NRXN3: variants seen among roughly 807,000 people sequenced by gnomAD.
The protein encoded by NRXN3 is neurexin III.
NRXN3 carries 32 observed loss-of-function variants against 137.6 expected under a neutral mutation model. The ratio of observed to expected loss-of-function variants is 0.23; its 90% CI spans 0.18 to 0.31. The LOEUF is 0.31. Among genes scored for constraint, NRXN3 ranks in the 10% least tolerant of loss-of-function variants. The pLI is 1.00. For synonymous variants in NRXN3, 798 were observed against 784.5 expected (o/e 1.02, Z -0.29); for missense variants, 1,574 against 2,062.5 (o/e 0.76, Z 4.59).
intron 4 of NRXN3, among the ~76,000 whole-genome samples, chr14:78,357,979 T>C (rs2084574585): frequency 6.6e-6 from 1 of 152,152 alleles, no homozygotes; most frequent in South Asian, 2.1e-4. Context: ...ATATATCCCA[T>C]AGAAAGGCTG....
At chr14:78,803,857 G>T (rs747300236) in intron 9 of NRXN3, 34 bp downstream of exon 9, 1 of 1,577,032 alleles carries the variant, frequency 6.3e-7, no homozygotes, top group Non-Finnish European at 8.7e-7. Context: ...CACTTCGTTT[G>T]GGCTTGTCTT....
At chr14:78,247,921 G>T (rs2153457916) in intron 2 of NRXN3, among the ~76,000 whole-genome samples, 1 of 152,342 alleles carries the variant, frequency 6.6e-6, no homozygotes, top group East Asian at 1.9e-4. Flanking sequence ...TGTCTCTGAA[G>T]AGTTCATTTA....
chr14:79,827,047 TTGA>T (rs2099305602), intron 20 of NRXN3, among the ~76,000 whole-genome samples: 1 of 152,150 alleles, frequency 6.6e-6, no homozygotes, highest in African/African-American at 2.4e-5. Context: ...TAGCTGCAGA[TTGA>T]GCATTTACTG....
At chr14:79,590,814 C>T (rs957793254) in intron 16 of NRXN3, among the ~76,000 whole-genome samples, 6 of 152,154 alleles carry the variant, frequency 3.9e-5, no homozygotes, top group African/African-American at 9.7e-5. Context: ...TATGGAGTAT[C>T]ACCTGGGCTA....
rs369553358 is a variant in NRXN3, at chr14:79,126,918, T to G, written c.3262+138777T>G. 1.1e-4 allele frequency among the ~76,000 whole-genome samples: 17 copies of G among 152,312 alleles called. No homozygotes were observed. In the East Asian group the frequency reaches 2.3e-3, roughly 21 times the overall value. On this transcript the variant is annotated intron_variant, in intron 15 of 20. Transcript: ENST00000335750. ...TGTGGTTTTGATTTGCATTTCTCTG[T>G]TGGCCAGTGATGGTGAGCATTTTTT...
At chr14:79,805,267 A>G (rs2099199735) in intron 20 of NRXN3, 77 bp downstream of exon 20, 1 of 1,019,844 alleles carries the variant, frequency 9.8e-7, no homozygotes. Context: ...ATGTGATTAT[A>G]CATGTGTTTT....
At chr14:78,790,121 A>G (rs1246195272) in intron 8 of NRXN3, among the ~76,000 whole-genome samples, 1 of 152,160 alleles carries the variant, frequency 6.6e-6, no homozygotes, top group African/African-American at 2.4e-5. Flanking sequence ...GTCATATTTT[A>G]AAATTCAGTG....
intron 2 of NRXN3, among the ~76,000 whole-genome samples, chr14:78,276,206 GC>G (rs1358275584): frequency 1.3e-5 from 2 of 152,156 alleles, no homozygotes; most frequent in African/African-American, 4.8e-5. Context: ...CTAGAACTAT[GC>G]CAAATTGAGA....
intron 4 of NRXN3, among the ~76,000 whole-genome samples, chr14:78,628,566 G>C (rs566741563): frequency 5.3e-5 from 8 of 152,194 alleles, no homozygotes; most frequent in Non-Finnish European, 7.4e-5. Context: ...GTAACTTAAA[G>C]CCTTCAAGTA....
chr14:79,236,087 C>T (rs369607043), intron 15 of NRXN3, among the ~76,000 whole-genome samples: 2 of 152,106 alleles, frequency 1.3e-5, no homozygotes, highest in Admixed American at 1.3e-4. Flanking sequence ...AATAATTACA[C>T]TTTATTGATA....
chr14:79,721,276 T>C (rs1401559948), intron 19 of NRXN3, among the ~76,000 whole-genome samples: 3 of 152,142 alleles, frequency 2.0e-5, no homozygotes, highest in African/African-American at 7.2e-5. Flanking sequence ...TTAATCATGC[T>C]TGCCATTCCT....
chr14:79,456,666 C>T (rs770151961), intron 15 of NRXN3, among the ~76,000 whole-genome samples: 4 of 151,800 alleles, frequency 2.6e-5, no homozygotes, highest in Non-Finnish European at 5.9e-5. Flanking sequence ...GCAGAGGTTG[C>T]TGTGAGCCCT....
chr14:79,310,916 A>G (rs1173603050), intron 15 of NRXN3, among the ~76,000 whole-genome samples: 1 of 90,798 alleles, frequency 1.1e-5, no homozygotes, highest in African/African-American at 5.5e-5. Context: ...CTAATTGAAT[A>G]CCCTTTATTT....
chr14:78,876,562 C>A (rs2099114347), intron 10 of NRXN3, among the ~76,000 whole-genome samples: 2 of 152,168 alleles, frequency 1.3e-5, no homozygotes, highest in Admixed American at 1.3e-4. Context: ...AGCAATACCA[C>A]TAATGACTCA....
intron 15 of NRXN3, among the ~76,000 whole-genome samples, chr14:79,245,618 A>G (rs529488139): frequency 1.3e-5 from 2 of 152,262 alleles, no homozygotes; most frequent in East Asian, 1.9e-4. Context: ...TTTCTGTTAC[A>G]TGCAACCCAC....
intron 16 of NRXN3, among the ~76,000 whole-genome samples, chr14:79,652,145 T>TGTAA (rs1306391723): frequency 6.6e-6 from 1 of 152,158 alleles, no homozygotes; most frequent in African/African-American, 2.4e-5. Flanking sequence ...CTAACTTTTG[T>TGTAA]GTAAGTTTTA....
intron 16 of NRXN3, among the ~76,000 whole-genome samples, chr14:79,663,125 G>T (rs1013130269): frequency 2.0e-5 from 3 of 152,028 alleles, no homozygotes; most frequent in Admixed American, 1.3e-4. Flanking sequence ...CTACAAGTTG[G>T]GAAGCATGGC....
At chr14:78,561,513 T>C (rs2096785741) in intron 4 of NRXN3, among the ~76,000 whole-genome samples, 4 of 152,154 alleles carry the variant, frequency 2.6e-5, no homozygotes, top group Non-Finnish European at 5.9e-5. Context: ...TGAATCCAAA[T>C]TATACAGCTT....
chr14:78,612,041 G>A (rs2097304883), intron 4 of NRXN3, among the ~76,000 whole-genome samples: 1 of 152,200 alleles, frequency 6.6e-6, no homozygotes, highest in African/African-American at 2.4e-5. Context: ...TGACTTGAAA[G>A]TGGGGGCATT....
Sources: allele counts gnomAD v4.1 joint callset (sites outside exome capture counted in the v4.1 genomes callset), GRCh38; gene constraint gnomAD v4.1.1; transcripts MANE v1.5; gene names NCBI Gene and HGNC (gene_info 2026-07-23, HGNC 2026-07-21).